The following PIEZO2 variants were observed in gnomAD, a reference collection of about 807,000 sequenced individuals.
PIEZO2 encodes the protein piezo-type mechanosensitive ion channel component 2.
In PIEZO2, 172 loss-of-function variants were observed where a neutral mutation model predicts 337.3. The ratio of observed to expected loss-of-function variants is 0.51; its 90% CI spans 0.45 to 0.58. The LOEUF is 0.58. PIEZO2 is among the 20% of genes least tolerant of loss of function. PIEZO2 has a pLI of 0.00. For synonymous variants in PIEZO2, 1,251 were observed against 1,228.5 expected (o/e 1.02, Z -0.38); for missense variants, 3,028 against 3,391.3 (o/e 0.89, Z 2.66).
At chr18:11,011,009 C>T (rs2660274) in intron 2 of PIEZO2, among the ~76,000 whole-genome samples, 48,945 of 152,134 alleles carry the variant, frequency 0.32, 8,158 homozygotes, top group Non-Finnish European at 0.36. Flanking sequence ...ATTTTCAAAG[C>T]ACAAGTCCCC....
In PIEZO2 at chr18:10,789,200, A is replaced by C; in HGVS notation, c.2048T>G (p.Phe683Cys). The C allele has an allele frequency of 6.5e-7, 1 of 1,537,292 alleles. No individual in the cohort carries two copies. The highest frequency in any genetic ancestry group is 8.7e-7 in the Non-Finnish European group (1 of 1,146,918). The change falls in exon 15 of 56, where the codon TTC becomes TGC. Residue 683 changes from phenylalanine (F) to cysteine (C), a missense_variant. Physicochemically the swap from Phe to Cys is radical, Grantham distance 205. Around this residue, in one of 5 missense-constraint regions of PIEZO2, gnomAD observed 1,925 missense variants for 2,051.9 expected, o/e 0.94. Transcript: ENST00000674853. ...GCAGACGTAGATCCAGTACTTGATG[A>C]ACATGGCCACCACCAGATTGCCCAG... ...KVLGNLVVAM[F>C]IKYWIYVCGG...
intron 42 of PIEZO2, among the ~76,000 whole-genome samples, chr18:10,702,403 G>A (rs2035380438): frequency 6.6e-6 from 1 of 152,142 alleles, no homozygotes; most frequent in Non-Finnish European, 1.5e-5. Flanking sequence ...GATCCAGCAA[G>A]GCCAGTCAGA....
chr18:10,845,699 C>T (rs990233638), intron 7 of PIEZO2, among the ~76,000 whole-genome samples: 5 of 152,136 alleles, frequency 3.3e-5, no homozygotes, highest in African/African-American at 1.2e-4. Context: ...TACCCAGTGT[C>T]TCTCAACAAT....
intron 43 of PIEZO2, among the ~76,000 whole-genome samples, chr18:10,700,132 T>C (rs1036675941): frequency 6.6e-6 from 1 of 152,260 alleles, no homozygotes; most frequent in East Asian, 1.9e-4. Flanking sequence ...ATTTCTTTCC[T>C]ATTATTTTAA....
In PIEZO2 at chr18:10,761,069, T is replaced by C. The variant is rs956022243; in HGVS notation, c.3292A>G (p.Ile1098Val). The C allele has an allele frequency of 1.6e-5, 24 of 1,537,216 alleles. No homozygotes were observed. In the African/African-American group the frequency reaches 3.1e-4, roughly 20 times the overall value. ...MLAILAFEVTIYRHQEYYRGR... is the reference protein window; with the variant it reads ...MLAILAFEVTVYRHQEYYRGR... ...CGATAGTATTCCTGATGGCGGTAAA[T>C]GGTGACTTCAAAGGCCAGGATAGCC... The change falls in exon 24 of 56, where the codon ATT becomes GTT. Residue 1098 changes from isoleucine (I) to valine (V), a missense_variant. Ile to Val is a conservative substitution (Grantham distance 29). Transcript: ENST00000674853.
chr18:10,858,481 TAAG>T (rs1007629652), intron 5 of PIEZO2, among the ~76,000 whole-genome samples: 10 of 152,270 alleles, frequency 6.6e-5, no homozygotes, highest in Admixed American at 5.2e-4. Context: ...CTCACAAAGC[TAAG>T]AAGAATTGTT....
chr18:10,983,943 G>A (rs148492134), intron 2 of PIEZO2, among the ~76,000 whole-genome samples: 319 of 152,136 alleles, frequency 2.1e-3, no homozygotes, highest in African/African-American at 7.3e-3. Context: ...ATAGAGAGAA[G>A]GCACACAATC....
intron 7 of PIEZO2, among the ~76,000 whole-genome samples, chr18:10,809,352 C>A (rs557937202): frequency 9.7e-5 from 14 of 144,516 alleles, no homozygotes; most frequent in Non-Finnish European, 2.1e-4. Context: ...CTCACTGCAA[C>A]CTCCGCCTCC....
Position 10,718,232 on chromosome 18 carries a change from T to G in PIEZO2, c.5057A>C (p.Asp1686Ala), listed in dbSNP as rs981026488. Reference sequence around the variant, plus strand: ...ATCGGATTTCTTTTTGATTGGTTCATCCTCCCGGTCTTCCCATTCCACAGG... The same window carrying G: ...ATCGGATTTCTTTTTGATTGGTTCAGCCTCCCGGTCTTCCCATTCCACAGG... ...EGPVEWEDRE[D>A]EPIKKKSDGP... The change falls in exon 37 of 56, where the codon GAT becomes GCT. Residue 1686 changes from aspartate (D) to alanine (A), a missense_variant. Physicochemically the swap from Asp to Ala is moderately radical, Grantham distance 126. Coordinates refer to ENST00000674853, the MANE Select transcript of PIEZO2 (RefSeq NM_001378183.1). 1.3e-6 allele frequency: 2 copies of G among 1,536,994 alleles called. No homozygotes were observed. The highest frequency in any genetic ancestry group is 2.7e-5 in the African/African-American group (2 of 73,048).
At chr18:10,796,160 C>A (rs151145201) in intron 12 of PIEZO2, among the ~76,000 whole-genome samples, 1 of 151,454 alleles carries the variant, frequency 6.6e-6, no homozygotes, top group Non-Finnish European at 1.5e-5. Context: ...GCCAGGAGAT[C>A]GAGACCATCC....
At chr18:10,764,905 C>T (rs1013133405) in intron 21 of PIEZO2, among the ~76,000 whole-genome samples, 3 of 152,220 alleles carry the variant, frequency 2.0e-5, no homozygotes, top group East Asian at 1.9e-4. Context: ...CAACAAGTGT[C>T]TCGTCAATTT....
rs374459920 is a variant in PIEZO2 at position 11,070,644 on chromosome 18, G to A, written c.65-4422C>T. Among the ~76,000 whole-genome samples the A allele has an allele frequency of 6.6e-6, 1 of 152,232 alleles. No individual in the cohort carries two copies. Among genetic ancestry groups the A allele is most frequent in the Non-Finnish European group, 1.5e-5 (1 of 68,032 alleles). On this transcript the variant is annotated intron_variant, in intron 1 of 55. Coordinates refer to ENST00000674853, the MANE Select transcript of PIEZO2 (RefSeq NM_001378183.1). The surrounding 1 kb of genome is among the most constrained non-coding windows in gnomAD (Gnocchi z 4.3). ...GGAGACTAGACTGTCGTGACTGCCG[G>A]TAAGGATGTCCTTGCAGGCCCTCGC...
chr18:10,928,820 T>C (rs1190930861), intron 3 of PIEZO2, among the ~76,000 whole-genome samples: 1 of 152,178 alleles, frequency 6.6e-6, no homozygotes, highest in Non-Finnish European at 1.5e-5. Flanking sequence ...CAGGCAGTAA[T>C]TCAAAGAAGA....
rs2036742436 is a variant in PIEZO2 at position 11,031,679 on chromosome 18, G to T, written c.160+34448C>A. On this transcript the variant is annotated intron_variant, in intron 2 of 55. Transcript: ENST00000674853. The surrounding 1 kb of genome is among the most constrained non-coding windows in gnomAD (Gnocchi z 4.7). ...GCTAGCATTCCAGGGCAGCATTCCG[G>T]AGGCTTCCAGAGGAGCCAGATATAA... 6.6e-6 allele frequency among the ~76,000 whole-genome samples: 1 copy of T among 152,072 alleles called. No individual in the cohort carries two copies. The highest frequency in any genetic ancestry group is 2.1e-4 in the South Asian group (1 of 4,818).
intron 7 of PIEZO2, among the ~76,000 whole-genome samples, chr18:10,808,709 A>G (rs996631767): frequency 6.6e-6 from 1 of 152,224 alleles, no homozygotes; most frequent in Non-Finnish European, 1.5e-5. Flanking sequence ...CAATTTCCTG[A>G]GTGAAAAAAG....
rs2277857 is a variant in PIEZO2, at chr18:10,697,915, G to A, written c.6695-35C>T. 78,884 of 1,573,066 alleles carry A rather than the reference G, an allele frequency of 0.05. 5,692 individuals are homozygous for A. The highest frequency in any genetic ancestry group is 0.26 in the African/African-American group (19,305 of 73,930). On this transcript the variant is annotated intron_variant, in intron 44 of 55. Transcript: ENST00000674853. ...AAAAGAGATCATAAGATGGGTGGTG[G>A]AGCCTGGGGTTTGTTCACCTAAATA...
In PIEZO2 at chr18:10,994,347, A is replaced by T. The variant is rs191252003; in HGVS notation, c.161-14687T>A. On this transcript the variant is annotated intron_variant, in intron 2 of 55. Transcript: ENST00000674853. ...CAATGACTTCTTTTCCTCTTAGTAG[A>T]TATCCAGTAGTGGGATTATTGGATC... Among the ~76,000 whole-genome samples the T allele has an allele frequency of 3.7e-3, 562 of 151,664 alleles. 2 individuals carry two copies. The highest frequency in any genetic ancestry group is 6.4e-3 in the Non-Finnish European group (437 of 67,906).
chr18:11,086,218 G>A (rs1298485364), intron 1 of PIEZO2, among the ~76,000 whole-genome samples: 3 of 152,016 alleles, frequency 2.0e-5, no homozygotes, highest in Non-Finnish European at 2.9e-5. Context: ...ACGAAAATTC[G>A]ACAGAGAAAT....
At position 11,069,269 on chromosome 18, in the gene PIEZO2, C is replaced by A. The variant is rs1419973201; in HGVS notation, c.65-3047G>T. The stretch of plus-strand genomic sequence containing the variant: ...AGTGTCCTTGATGAACACAGATGCA[C>A]AAGTACTCAACAAAATGCAAGCAAA... On this transcript the variant is annotated intron_variant, in intron 1 of 55. Transcript: ENST00000674853. This position sits in a 1 kb window ranked among gnomAD's most constrained non-coding sequence, Gnocchi z 4.9. Among the ~76,000 whole-genome samples, 1 of 152,052 alleles carries A rather than the reference C, an allele frequency of 6.6e-6. No homozygotes were observed. Among genetic ancestry groups the A allele is most frequent in the Non-Finnish European group, 1.5e-5 (1 of 68,016 alleles).
Sources: gnomAD v4.1 joint callset for allele counts (sites outside exome capture counted in the v4.1 genomes callset) on GRCh38, gnomAD v4.1.1 for gene constraint, gnomAD v4.1.1 regional missense constraint, Gnocchi (gnomAD v3.1) non-coding constraint, MANE v1.5 for transcripts, NCBI Gene and HGNC (gene_info 2026-07-23, HGNC 2026-07-21) for gene names.